The following KIF13B variants were observed in gnomAD, a reference collection of about 807,000 sequenced individuals.
KIF13B encodes kinesin family member 13B.
In KIF13B, 127 loss-of-function variants were observed where a neutral mutation model predicts 222.0. That is an observed-to-expected ratio of 0.57 (90% CI 0.50 to 0.66). The LOEUF (loss-of-function observed/expected upper bound fraction) is 0.66, where lower values mean the gene tolerates loss of function less well. KIF13B is among the 30% of genes least tolerant of loss of function. The pLI is 0.00. For synonymous variants in KIF13B, 976 were observed against 919.0 expected (o/e 1.06, Z -1.12); for missense variants, 2,173 against 2,379.0 (o/e 0.91, Z 1.80).
In KIF13B at chr8:29,092,886, T is replaced by C; in HGVS notation, c.4325-8A>G. ...CTGCAAGGTTACTGAGTCCTGCCCA[T>C]ATTACAGGGGAAAAAGATAAAACAA... On this transcript the variant is annotated splice_polypyrimidine_tract_variant and splice_region_variant and intron_variant, in intron 36 of 39. Transcript: ENST00000524189. 1 of 1,600,296 alleles carries C rather than the reference T, an allele frequency of 6.2e-7. No individual in the cohort carries two copies. Among genetic ancestry groups the C allele is most frequent in the Non-Finnish European group, 8.5e-7 (1 of 1,173,428 alleles).
At chr8:29,186,535 T>C in intron 5 of KIF13B, 63 bp from the exon 6 acceptor site, 2 of 1,367,354 alleles carry the variant, frequency 1.5e-6, no homozygotes, top group Non-Finnish European at 2.0e-6. Flanking sequence ...TAACCCTCTT[T>C]CCGTTGCTCA....
chr8:29,120,252 A>G (rs1452404550), intron 29 of KIF13B, among the ~76,000 whole-genome samples: 1 of 121,630 alleles, frequency 8.2e-6, no homozygotes, highest in African/African-American at 3.2e-5. Flanking sequence ...ATATGTATAC[A>G]TGTGCCATGC....
intron 10 of KIF13B, among the ~76,000 whole-genome samples, chr8:29,175,220 C>T (rs143536949): frequency 1.1e-3 from 166 of 152,180 alleles, no homozygotes; most frequent in Non-Finnish European, 2.1e-3. Context: ...ATTCCCAGTC[C>T]GATATCCAAC....
rs146852652 is a variant in KIF13B, at chr8:29,246,321, G to A, written c.56-882C>T. ...GAACCCAGGAGGCAGAGGTTGCAGT[G>A]AGCTGAGATCGTGCCACTGCACTCC... On this transcript the variant is annotated intron_variant, in intron 1 of 39. Transcript: ENST00000524189. Among the ~76,000 whole-genome samples, 775 of 151,856 alleles carry A rather than the reference G, an allele frequency of 5.1e-3. 5 individuals are homozygous for A. The highest frequency in any genetic ancestry group is 0.017 in the African/African-American group (710 of 41,408).
chr8:29,072,140 G>A lies in KIF13B; in HGVS notation c.4698C>T (p.Ser1566=), dbSNP rs372148768. The change falls in exon 39 of 40, where the codon AGC becomes AGT. Residue 1566 remains serine, a synonymous_variant. Transcript: ENST00000524189. ...GPPSPLSEAS[S]GYFSHSVSTA... ...TGGAGACGCTGTGGGAGAAGTACCC[G>A]CTAGAGGCTTCACTCAGGGGGCTGG... 21 of 1,403,908 alleles carry A rather than the reference G, an allele frequency of 1.5e-5. No individual in the cohort carries two copies. The highest frequency in any genetic ancestry group is 1.5e-5 in the African/African-American group (1 of 66,674). The allele number at this position is 1,403,908 out of a possible 1,614,324, so 87.0% of individuals were successfully genotyped here.
At chr8:29,096,626 T>C (rs1808545248) in intron 36 of KIF13B, among the ~76,000 whole-genome samples, 1 of 151,954 alleles carries the variant, frequency 6.6e-6, no homozygotes, top group East Asian at 1.9e-4. Context: ...CGTCATAAAG[T>C]GAGGTTTGAA....
At chr8:29,207,507 G>A (rs1213608382) in intron 2 of KIF13B, among the ~76,000 whole-genome samples, 1 of 152,080 alleles carries the variant, frequency 6.6e-6, no homozygotes, top group Non-Finnish European at 1.5e-5. Flanking sequence ...GACGTGACAT[G>A]AAATGACGAG....
At position 29,071,859 on chromosome 8, in the gene KIF13B, GAGA is replaced by G. The variant is rs1349410731; in HGVS notation, c.4976_4978del (p.Phe1659del). On this transcript the variant is annotated inframe_deletion, in exon 39 of 40. Coordinates refer to ENST00000524189, the MANE Select transcript of KIF13B (RefSeq NM_015254.4). This position sits in a 1 kb window ranked among gnomAD's most constrained non-coding sequence, Gnocchi z 4.9. ...GCCGGGGTCCCCAGCCAGCATGCGC[GAGA>G]AGGAGCGCAACTCCGAGGCCCGCAC... 5.9e-6 allele frequency: 9 copies of G among 1,536,888 alleles called. No homozygotes were observed. The highest frequency in any genetic ancestry group is 2.0e-5 in the Admixed American group (1 of 50,640).
At chr8:29,199,574 CAAAAA>C (rs10579222) in intron 2 of KIF13B, among the ~76,000 whole-genome samples, 157 of 119,436 alleles carry the variant, frequency 1.3e-3, no homozygotes, top group African/African-American at 3.8e-3. Flanking sequence ...TTCCAAAATC[CAAAAA>C]AAAAAAAAAA....
intron 2 of KIF13B, among the ~76,000 whole-genome samples, chr8:29,222,061 T>C (rs181740382): frequency 1.3e-5 from 2 of 152,258 alleles, no homozygotes; most frequent in Non-Finnish European, 2.9e-5. Context: ...AAAATACCTA[T>C]ATATGCCAGG....
intron 5 of KIF13B, among the ~76,000 whole-genome samples, chr8:29,186,858 A>G (rs575705365): frequency 6.6e-6 from 1 of 151,350 alleles, no homozygotes; most frequent in Non-Finnish European, 1.5e-5. Context: ...AGTCCCAGCT[A>G]CTCGGGAGGC....
intron 27 of KIF13B, 42 bp downstream of exon 27, chr8:29,123,982 T>C (rs1419779463): frequency 3.2e-6 from 4 of 1,232,050 alleles, no homozygotes; most frequent in Admixed American, 1.8e-5. Flanking sequence ...TAATTATGCA[T>C]TGATTTGCAG....
intron 2 of KIF13B, 90 bp downstream of exon 2, chr8:29,245,256 G>C: frequency 3.6e-6 from 3 of 840,054 alleles, no homozygotes; most frequent in Non-Finnish European, 5.9e-6. Flanking sequence ...GTAGGCATTC[G>C]ATATCTATTC....
Position 29,205,661 on chromosome 8 carries a change from T to C in KIF13B, c.150-9462A>G, listed in dbSNP as rs140685691. 7.7e-4 allele frequency among the ~76,000 whole-genome samples: 117 copies of C among 152,312 alleles called. 1 individual carries two copies. The highest frequency in any genetic ancestry group is 2.8e-3 in the African/African-American group (117 of 41,572). ...CTAAACAAGGAATCCCAAATTCAAA[T>C]GTCCCTCGCAGCAGTAATGTCATTA... On this transcript the variant is annotated intron_variant, in intron 2 of 39. Coordinates refer to ENST00000524189, the MANE Select transcript of KIF13B (RefSeq NM_015254.4).
At chr8:29,107,652 C>CG (rs1250074381) in intron 35 of KIF13B, among the ~76,000 whole-genome samples, 1 of 151,470 alleles carries the variant, frequency 6.6e-6, no homozygotes, top group Non-Finnish European at 1.5e-5. Flanking sequence ...CTCCGCCCCC[C>CG]GGGGTTCACA....
chr8:29,196,860 G>A (rs959416173), intron 2 of KIF13B, among the ~76,000 whole-genome samples: 1 of 152,138 alleles, frequency 6.6e-6, no homozygotes, highest in Non-Finnish European at 1.5e-5. Flanking sequence ...TTGTTTGAGT[G>A]TTACGTGGGT....
At chr8:29,191,780 A>G (rs1813201026) in intron 3 of KIF13B, among the ~76,000 whole-genome samples, 1 of 152,244 alleles carries the variant, frequency 6.6e-6, no homozygotes, top group African/African-American at 2.4e-5. Flanking sequence ...TTCTTTTTAA[A>G]CCAACTAAGC....
chr8:29,094,925 G>A (rs1274600681), intron 36 of KIF13B, among the ~76,000 whole-genome samples: 1 of 148,700 alleles, frequency 6.7e-6, no homozygotes, highest in Non-Finnish European at 1.5e-5. Flanking sequence ...ACAGAGCCCT[G>A]GAAATCACAG....
intron 32 of KIF13B, 83 bp from the exon 33 acceptor site, chr8:29,110,153 A>C: frequency 8.5e-7 from 1 of 1,172,242 alleles, no homozygotes; most frequent in Non-Finnish European, 1.2e-6. Context: ...AGACACACAG[A>C]ACGTATTCCA....
Sources: gnomAD v4.1 joint callset for allele counts (sites outside exome capture counted in the v4.1 genomes callset) on GRCh38, gnomAD v4.1.1 for gene constraint, Gnocchi (gnomAD v3.1) non-coding constraint, MANE v1.5 for transcripts, NCBI Gene and HGNC (gene_info 2026-07-23, HGNC 2026-07-21) for gene names.